ATP7B: variants seen among roughly 807,000 people sequenced by gnomAD.
The protein encoded by ATP7B is ATPase copper transporting beta, also known as copper-transporting ATPase 2.
ATP7B carries 113 observed loss-of-function variants against 118.9 expected under a neutral mutation model. The ratio of observed to expected loss-of-function variants is 0.95; its 90% CI spans 0.82 to 1.11. The LOEUF (loss-of-function observed/expected upper bound fraction) is 1.11. Among genes scored for constraint, ATP7B ranks in the 50% most tolerant of loss-of-function variants. The pLI is 0.00. For missense variants in ATP7B, 1,867 were observed against 1,871.4 expected (o/e 1.00, Z 0.04); for synonymous variants, 777 against 727.4 (o/e 1.07, Z -1.10).
intron 1 of ATP7B, among the ~76,000 whole-genome samples, chr13:52,005,206 T>G (rs1953709358): frequency 6.6e-6 from 1 of 152,252 alleles, no homozygotes; most frequent in Non-Finnish European, 1.5e-5. Flanking sequence ...TTCTTTATGA[T>G]CTAGCCAGGC....
In ATP7B at chr13:51,970,632, G is replaced by A; in HGVS notation, c.1403C>T (p.Ala468Val). The A allele has an allele frequency of 6.2e-7, 1 of 1,614,192 alleles. No homozygotes were observed. The highest frequency in any genetic ancestry group is 8.5e-7 in the Non-Finnish European group (1 of 1,180,024). ...EVAPHTGRLP[A>V]NHAPDILAKS... ...TGCCAAGATGTCCGGGGCATGGTTT[G>A]CAGGGAGCCTCCCAGTGTGGGGAGC... is the stretch of plus-strand genomic sequence containing the variant. The change falls in exon 3 of 21, where the codon GCA (alanine) becomes GTA (valine). Residue 468 changes from alanine to valine, a missense_variant. Physicochemically the swap from Ala to Val is moderately conservative, Grantham distance 64 (BLOSUM62 0). Coordinates refer to ENST00000242839, the MANE Select transcript of ATP7B (RefSeq NM_000053.4).
chr13:51,951,873 A>C (rs1030599090), intron 9 of ATP7B, among the ~76,000 whole-genome samples: 1 of 152,240 alleles, frequency 6.6e-6, no homozygotes, highest in Admixed American at 6.5e-5. Flanking sequence ...CAAGGGGGAA[A>C]TACTGGTGAG....
chr13:51,974,024 GC>G lies in ATP7B; in HGVS notation c.1195del (p.Ala399GlnfsTer9). The G allele has an allele frequency of 6.2e-7, 1 of 1,614,246 alleles. No homozygotes were observed. The highest frequency in any genetic ancestry group is 1.1e-5 in the South Asian group (1 of 91,082). The stretch of plus-strand genomic sequence containing the variant: ...TACAGAGGGATTATAAAGAACTGTT[GC>G]AGTCCCTTCGGCCAAAGACACCGAT... Reference protein sequence around the residue: ...QISVSLAEGTATVLYNPSVIS... With the variant: ...QISVSLAEGTXTVLYNPSVIS... On this transcript the variant is annotated frameshift_variant, in exon 2 of 21. Transcript: ENST00000242839. LOFTEE classifies it high-confidence loss of function.
chr13:51,960,065 C>G (rs1958627932), intron 7 of ATP7B, 83 bp downstream of exon 7: 1 of 1,525,580 alleles, frequency 6.6e-7, no homozygotes, highest in Non-Finnish European at 9.1e-7. Context: ...AGCTAAAGCA[C>G]TATGTTTGCG....
chr13:51,980,976 CA>C lies in ATP7B; in HGVS notation c.52-5809del, dbSNP rs770747606. On this transcript the variant is annotated intron_variant, in intron 1 of 20. Transcript: ENST00000242839. ...GGATTCTTTCATATGCACGCAGATC[CA>C]ATAATAACAAATAATTAATGATTCT... Among the ~76,000 whole-genome samples, 151 of 152,214 alleles carry C rather than the reference CA, an allele frequency of 9.9e-4. 2 individuals are homozygous for C. The highest frequency in any genetic ancestry group is 1.4e-3 in the Non-Finnish European group (98 of 68,006).
intron 7 of ATP7B, 103 bp from the exon 8 acceptor site, chr13:51,958,647 GCA>G: frequency 1.0e-6 from 1 of 963,238 alleles, no homozygotes; most frequent in Non-Finnish European, 1.7e-6. Context: ...CTAGCTTTGT[GCA>G]CAGTCGTGAC....
intron 14 of ATP7B, among the ~76,000 whole-genome samples, chr13:51,942,843 G>A (rs1957418818): frequency 6.6e-6 from 1 of 152,126 alleles, no homozygotes; most frequent in African/African-American, 2.4e-5. Context: ...TCATGACAGT[G>A]AACAGGTTAC....
At chr13:51,996,536 C>G (rs985139078) in intron 1 of ATP7B, among the ~76,000 whole-genome samples, 4 of 152,172 alleles carry the variant, frequency 2.6e-5, no homozygotes, top group African/African-American at 9.7e-5. Context: ...TCTGTCTCTC[C>G]GTGTTATTCT....
chr13:51,967,004 A>G (rs1178797948), intron 4 of ATP7B: 23 of 1,613,032 alleles, frequency 1.4e-5, no homozygotes, highest in Admixed American at 3.3e-5. Flanking sequence ...ACTGTCTGCA[A>G]CTTTACAGAT....
At chr13:51,940,463 G>A (rs1269919447) in intron 16 of ATP7B, among the ~76,000 whole-genome samples, 2 of 151,388 alleles carry the variant, frequency 1.3e-5, no homozygotes, top group African/African-American at 4.8e-5. Context: ...AGACCAGCCT[G>A]GTGAAACCCC....
intron 11 of ATP7B, 94 bp downstream of exon 11, chr13:51,949,913 T>C: frequency 2.5e-6 from 4 of 1,609,578 alleles, no homozygotes; most frequent in South Asian, 2.2e-5. Flanking sequence ...TACTAATCAA[T>C]CTCTACTCAA....
At chr13:51,950,727 G>T (rs139688560) in intron 9 of ATP7B, among the ~76,000 whole-genome samples, 108 of 152,026 alleles carry the variant, frequency 7.1e-4, no homozygotes, top group Middle Eastern at 6.8e-3. Context: ...AATGTGACTG[G>T]AGGGCTTCTT....
chr13:51,934,831 G>C lies in ATP7B; in HGVS notation c.4323C>G (p.His1441Gln), dbSNP rs1163407442. 1 of 1,614,222 alleles carries C rather than the reference G, an allele frequency of 6.2e-7. No individual in the cohort carries two copies. Among genetic ancestry groups the C allele is most frequent in the African/African-American group, 1.3e-5 (1 of 75,060 alleles). Residue 1441 changes from histidine to glutamine, a missense_variant, in exon 21 of 21, where the codon CAC becomes CAG. Transcript: ENST00000242839. ...CCCCATCATCGTCTGCTGCAGCGCT[G>C]TGCCGAGATGGCTTGTCGGACGTCA... ...SSLTSDKPSR[H>Q]SAAADDDGDK...
chr13:51,978,448 T>C (rs1339488081), intron 1 of ATP7B, among the ~76,000 whole-genome samples: 1 of 152,206 alleles, frequency 6.6e-6, no homozygotes, highest in Non-Finnish European at 1.5e-5. Context: ...GGAGGGCAAT[T>C]TGCAATACCT....
intron 16 of ATP7B, among the ~76,000 whole-genome samples, chr13:51,940,173 C>T (rs1044756702): frequency 1.3e-5 from 2 of 150,396 alleles, no homozygotes; most frequent in Admixed American, 6.6e-5. Context: ...CCACCACACC[C>T]CGCTAATTTT....
rs1365425480 is a variant in ATP7B at position 51,935,593 on chromosome 13, C to G, written c.4124G>C (p.Cys1375Ser). Reference sequence around the variant, plus strand: ...AGATGCTCCACCTGAGGGGACTCACCACTTGAGCTGCAGGGATGAGAGCAC... The same window carrying G: ...AGATGCTCCACCTGAGGGGACTCACGACTTGAGCTGCAGGGATGAGAGCAC... ...SVVLSSLQLKCYKKPDLERYE... is the reference protein window; with the variant it reads ...SVVLSSLQLKSYKKPDLERYE... Residue 1375 changes from cysteine (C) to serine (S), a missense_variant and splice_region_variant, in exon 20 of 21, where the codon TGC (cysteine) becomes TCC (serine). Cys to Ser is a moderately radical substitution (Grantham distance 112). Coordinates refer to ENST00000242839, the MANE Select transcript of ATP7B (RefSeq NM_000053.4). The G allele has an allele frequency of 6.2e-7, 1 of 1,613,024 alleles. No homozygotes were observed. Among genetic ancestry groups the G allele is most frequent in the Non-Finnish European group, 8.5e-7 (1 of 1,179,684 alleles).
At position 51,999,524 on chromosome 13, in the gene ATP7B, G is replaced by A. The variant is rs182520134; in HGVS notation, c.51+11763C>T. 7.9e-5 allele frequency among the ~76,000 whole-genome samples: 12 copies of A among 152,338 alleles called. No individual in the cohort carries two copies. The East Asian group carries it at 2.3e-3, about 29-fold the overall frequency. ...GATTATGATAGTTCTAAATTACGAA[G>A]AGATGGGATGGCCAAAAAGAGAAAC... is the stretch of plus-strand genomic sequence containing the variant. On this transcript the variant is annotated intron_variant, in intron 1 of 20. Coordinates refer to ENST00000242839, the MANE Select transcript of ATP7B (RefSeq NM_000053.4).
intron 9 of ATP7B, among the ~76,000 whole-genome samples, chr13:51,957,079 A>C (rs958679163): frequency 1.3e-5 from 2 of 152,236 alleles, no homozygotes; most frequent in Non-Finnish European, 2.9e-5. Flanking sequence ...TCCAGGAATA[A>C]TAATAATTAT....
intron 4 of ATP7B, chr13:51,967,075 A>G (rs1350147687): frequency 5.2e-5 from 83 of 1,602,056 alleles, no homozygotes; most frequent in Non-Finnish European, 6.9e-5. Context: ...AAGAAAATTG[A>G]AAGATGGGAA....
Sources: allele counts gnomAD v4.1 joint callset (sites outside exome capture counted in the v4.1 genomes callset), GRCh38; gene constraint gnomAD v4.1.1; transcripts MANE v1.5; gene names NCBI Gene and HGNC (gene_info 2026-07-23, HGNC 2026-07-21).